MALRD1: variants seen among roughly 807,000 people sequenced by gnomAD.
MALRD1 encodes the protein MAM and LDL-receptor class A domain-containing protein 1.
A neutral mutation model predicts 242.1 loss-of-function variants in MALRD1; 247 were observed. The observed-to-expected ratio is 1.02, with a 90% CI of 0.92 to 1.13. MALRD1 has a LOEUF of 1.13. Ranked by LOEUF, MALRD1 falls within the 50% of genes most tolerant of loss-of-function variation. The pLI is 0.00. For missense variants in MALRD1, 2,989 were observed against 2,533.1 expected, an observed-to-expected ratio of 1.18 and a Z score of -3.86; for synonymous variants, 995 against 866.6, an observed-to-expected ratio of 1.15 and a Z score of -2.60.
intron 8 of MALRD1, among the ~76,000 whole-genome samples, chr10:19,133,193 C>G (rs1250053050): frequency 6.6e-6 from 1 of 152,092 alleles, no homozygotes; most frequent in Non-Finnish European, 1.5e-5. Context: ...GCAGTAAAGG[C>G]TTGTTACTAC....
chr10:19,652,920 A>G (rs1392821624), intron 36 of MALRD1, among the ~76,000 whole-genome samples: 1 of 152,178 alleles, frequency 6.6e-6, no homozygotes, highest in Non-Finnish European at 1.5e-5. Flanking sequence ...TTTCTCAACA[A>G]TCTGTCTAAG....
intron 28 of MALRD1, among the ~76,000 whole-genome samples, chr10:19,393,275 T>C (rs1035872584): frequency 2.6e-5 from 4 of 152,070 alleles, no homozygotes; most frequent in African/African-American, 7.2e-5. Context: ...AAATTTCTCA[T>C]TAAATTTAAA....
intron 36 of MALRD1, among the ~76,000 whole-genome samples, chr10:19,677,826 T>G (rs1171773339): frequency 6.6e-6 from 1 of 152,224 alleles, no homozygotes; most frequent in Non-Finnish European, 1.5e-5. Context: ...CTTTAATCCA[T>G]CTTGAATTAA....
intron 18 of MALRD1, among the ~76,000 whole-genome samples, chr10:19,231,202 C>G (rs996813893): frequency 2.0e-5 from 3 of 152,200 alleles, no homozygotes; most frequent in Non-Finnish European, 4.4e-5. Flanking sequence ...TAGGCCAACT[C>G]TGAAGGGTCA....
At chr10:19,397,061 C>A (rs1407823791) in intron 28 of MALRD1, among the ~76,000 whole-genome samples, 1 of 152,002 alleles carries the variant, frequency 6.6e-6, no homozygotes, top group Admixed American at 6.5e-5. Context: ...GGGTAATTAG[C>A]TCATCTATAA....
intron 36 of MALRD1, among the ~76,000 whole-genome samples, chr10:19,677,986 T>C (rs1216253053): frequency 6.6e-6 from 1 of 152,090 alleles, no homozygotes; most frequent in Non-Finnish European, 1.5e-5. Context: ...TGTAGATCTG[T>C]GGTCTTACTT....
chr10:19,312,378 G>GTATATATATATATATATATATA (rs112120220), intron 21 of MALRD1, among the ~76,000 whole-genome samples: 29 of 137,530 alleles, frequency 2.1e-4, no homozygotes, highest in African/African-American at 7.1e-4. Context: ...AGAGGAATGT[G>GTATATATATATATATATATATA]TATATATATA....
chr10:19,402,276 C>G (rs1232051622), intron 28 of MALRD1, among the ~76,000 whole-genome samples: 1 of 152,140 alleles, frequency 6.6e-6, no homozygotes, highest in Non-Finnish European at 1.5e-5. Flanking sequence ...GTAGCAAGAC[C>G]CCATGATATG....
chr10:19,207,207 A>C (rs1042855576), intron 17 of MALRD1, among the ~76,000 whole-genome samples: 1 of 152,206 alleles, frequency 6.6e-6, no homozygotes, highest in African/African-American at 2.4e-5. Context: ...CATGTAAATG[A>C]AGCTAAAATG....
rs543045046 is a variant in MALRD1, at chr10:19,456,007, G to A, written c.5029+5517G>A. 2.0e-5 allele frequency among the ~76,000 whole-genome samples: 3 copies of A among 152,112 alleles called. No individual in the cohort carries two copies. The South Asian group carries it at 6.2e-4, about 32-fold the overall frequency. On this transcript the variant is annotated intron_variant, in intron 29 of 39. Coordinates refer to ENST00000454679, the MANE Select transcript of MALRD1 (RefSeq NM_001142308.3). ...GACACTGGTAAACCCAGGACCTCAG[G>A]GTAGAATCCAATAATGGTATAAGAT...
At chr10:19,086,469 T>C (rs1835672492) in intron 2 of MALRD1, among the ~76,000 whole-genome samples, 1 of 152,044 alleles carries the variant, frequency 6.6e-6, no homozygotes, top group South Asian at 2.1e-4. Context: ...ACAGGAAATC[T>C]ATGAGAGCCC....
chr10:19,528,991 C>G (rs548346823), intron 31 of MALRD1, among the ~76,000 whole-genome samples: 24 of 152,272 alleles, frequency 1.6e-4, no homozygotes, highest in Admixed American at 1.6e-3. Context: ...TTGCTGCAGC[C>G]TCAAGGTGGA....
chr10:19,676,745 G>GTGGTT (rs952494027), intron 36 of MALRD1, among the ~76,000 whole-genome samples: 2 of 152,164 alleles, frequency 1.3e-5, no homozygotes, highest in African/African-American at 4.8e-5. Context: ...ATGTGCTATA[G>GTGGTT]TGGTTTGCTG....
At chr10:19,199,659 G>A (rs1021520678) in intron 14 of MALRD1, among the ~76,000 whole-genome samples, 4 of 152,018 alleles carry the variant, frequency 2.6e-5, no homozygotes, top group African/African-American at 9.7e-5. Flanking sequence ...ACAGTAGCTG[G>A]GTATGGTGGC....
At chr10:19,509,885 A>G (rs1589173395) in intron 31 of MALRD1, among the ~76,000 whole-genome samples, 1 of 152,310 alleles carries the variant, frequency 6.6e-6, no homozygotes, top group East Asian at 1.9e-4. Flanking sequence ...AGAAAGAGAC[A>G]CAGAGACAAA....
intron 28 of MALRD1, among the ~76,000 whole-genome samples, chr10:19,401,394 A>G (rs1017290405): frequency 6.6e-6 from 1 of 152,206 alleles, no homozygotes; most frequent in Non-Finnish European, 1.5e-5. Flanking sequence ...TATGTACCAA[A>G]TTATATATGG....
At chr10:19,517,040 G>A (rs1206059525) in intron 31 of MALRD1, among the ~76,000 whole-genome samples, 1 of 152,172 alleles carries the variant, frequency 6.6e-6, no homozygotes, top group East Asian at 1.9e-4. Flanking sequence ...GAGACGAGGG[G>A]TTTTAGTTGA....
At chr10:19,485,659 ATAGT>A (rs1248801416) in intron 29 of MALRD1, among the ~76,000 whole-genome samples, 2 of 151,194 alleles carry the variant, frequency 1.3e-5, no homozygotes, top group East Asian at 1.9e-4. Flanking sequence ...AAAAAAAAAA[ATAGT>A]AATAATAATA....
chr10:19,240,400 C>T (rs774270575), intron 18 of MALRD1, among the ~76,000 whole-genome samples: 1 of 151,896 alleles, frequency 6.6e-6, no homozygotes. Context: ...TTAGGGTTCT[C>T]ACTCTATATA....
Sources: gnomAD v4.1 joint callset for allele counts (sites outside exome capture counted in the v4.1 genomes callset) on GRCh38, gnomAD v4.1.1 for gene constraint, MANE v1.5 for transcripts, NCBI Gene and HGNC (gene_info 2026-07-23, HGNC 2026-07-21) for gene names.